The following CDH13 variants were observed in gnomAD, a reference collection of about 807,000 sequenced individuals.
CDH13 encodes the protein cadherin-13.
In CDH13, 24 loss-of-function variants were observed where a neutral mutation model predicts 63.8. That is an observed-to-expected ratio of 0.38 (90% confidence interval 0.27 to 0.53). CDH13 has a LOEUF of 0.53. CDH13 is among the 20% of genes least tolerant of loss of function. The pLI is 0.85. For missense variants in CDH13, 1,049 were observed against 903.1 expected, an observed-to-expected ratio of 1.16 and a Z score of -2.07; for synonymous variants, 503 against 355.3, an observed-to-expected ratio of 1.42 and a Z score of -4.67.
At chr16:82,797,779 G>GTGTGTGTGTGTC (rs2036659344) in intron 1 of CDH13, among the ~76,000 whole-genome samples, 1 of 145,970 alleles carries the variant, frequency 6.9e-6, no homozygotes, top group Non-Finnish European at 1.5e-5. Flanking sequence ...AGGGCCGTGT[G>GTGTGTGTGTGTC]TGTGTGTGTG....
At chr16:83,014,820 A>ATTTATATTTG (rs1914579640) in intron 2 of CDH13, among the ~76,000 whole-genome samples, 1 of 66,242 alleles carries the variant, frequency 1.5e-5, no homozygotes, top group East Asian at 5.4e-4. Flanking sequence ...ATATTTGTAT[A>ATTTATATTTG]TATATATTTG....
chr16:83,398,422 C>T (rs908906759), intron 6 of CDH13, among the ~76,000 whole-genome samples: 7 of 152,128 alleles, frequency 4.6e-5, no homozygotes, highest in African/African-American at 1.4e-4. Context: ...TCTCAAATGT[C>T]CCTCTGCCTT....
At chr16:83,283,282 A>C (rs2089227999) in intron 5 of CDH13, among the ~76,000 whole-genome samples, 1 of 152,172 alleles carries the variant, frequency 6.6e-6, no homozygotes, top group Non-Finnish European at 1.5e-5. Flanking sequence ...TGTGGGACCC[A>C]ATGTATTTTA....
chr16:83,474,181 C>G (rs1347522418), intron 6 of CDH13, among the ~76,000 whole-genome samples: 1 of 152,180 alleles, frequency 6.6e-6, no homozygotes, highest in Non-Finnish European at 1.5e-5. Flanking sequence ...GCACAGTCCA[C>G]ACATGTATCT....
intron 5 of CDH13, among the ~76,000 whole-genome samples, chr16:83,323,508 T>C (rs557091905): frequency 5.3e-5 from 8 of 152,078 alleles, no homozygotes; most frequent in African/African-American, 1.9e-4. Flanking sequence ...CTCAAACGCC[T>C]GACTTCAGGC....
At chr16:83,649,372 T>A (rs1598412637) in intron 8 of CDH13, among the ~76,000 whole-genome samples, 2 of 152,360 alleles carry the variant, frequency 1.3e-5, no homozygotes, top group East Asian at 3.9e-4. Flanking sequence ...TTTTTCAATA[T>A]ATTTAATACA....
At chr16:82,813,820 G>C (rs2037567994) in intron 1 of CDH13, among the ~76,000 whole-genome samples, 1 of 152,222 alleles carries the variant, frequency 6.6e-6, no homozygotes, top group South Asian at 2.1e-4. Context: ...GATAGATTTT[G>C]AAGTTCAATC....
intron 5 of CDH13, among the ~76,000 whole-genome samples, chr16:83,318,105 A>G (rs776154892): frequency 2.0e-5 from 3 of 152,204 alleles, no homozygotes; most frequent in Non-Finnish European, 4.4e-5. Context: ...AACTAGAAAG[A>G]TTGAAAAGAT....
At chr16:83,558,578 C>G (rs1303634728) in intron 7 of CDH13, among the ~76,000 whole-genome samples, 3 of 152,132 alleles carry the variant, frequency 2.0e-5, no homozygotes, top group East Asian at 1.9e-4. Flanking sequence ...AAATCTACAT[C>G]TAGTCAGAGA....
intron 6 of CDH13, among the ~76,000 whole-genome samples, chr16:83,387,049 A>G (rs2091688333): frequency 6.6e-6 from 1 of 152,184 alleles, no homozygotes; most frequent in Admixed American, 6.5e-5. Context: ...GGAAGTTTGG[A>G]AAATTAAATA....
intron 1 of CDH13, among the ~76,000 whole-genome samples, chr16:82,856,142 C>T (rs952559570): frequency 5.3e-5 from 8 of 151,816 alleles, no homozygotes; most frequent in Admixed American, 2.0e-4. Flanking sequence ...TTTGGGAGGC[C>T]GAGGTGGGTG....
chr16:83,525,355 T>G (rs1464713654), intron 7 of CDH13, among the ~76,000 whole-genome samples: 2 of 152,356 alleles, frequency 1.3e-5, no homozygotes, highest in East Asian at 3.9e-4. Flanking sequence ...AAAATAAGCT[T>G]TAGTACAAAG....
chr16:83,788,435 C>T (rs192202146), intron 13 of CDH13, among the ~76,000 whole-genome samples: 1 of 151,286 alleles, frequency 6.6e-6, no homozygotes, highest in Admixed American at 6.6e-5. Flanking sequence ...TACCAACACT[C>T]CCCATATATT....
chr16:83,531,896 C>T (rs543957405), intron 7 of CDH13, among the ~76,000 whole-genome samples: 1 of 152,232 alleles, frequency 6.6e-6, no homozygotes, highest in South Asian at 2.1e-4. Flanking sequence ...AGGGCAGTCA[C>T]AAGAAGCTCT....
chr16:83,226,169 C>T (rs947415341), intron 5 of CDH13, among the ~76,000 whole-genome samples: 5 of 152,120 alleles, frequency 3.3e-5, no homozygotes, highest in East Asian at 1.9e-4. Flanking sequence ...TTTTCCAGTT[C>T]GTCTCTTCGT....
chr16:83,681,143 C>T (rs1005919468), intron 10 of CDH13, among the ~76,000 whole-genome samples: 2 of 152,028 alleles, frequency 1.3e-5, no homozygotes, highest in Non-Finnish European at 2.9e-5. Flanking sequence ...GAGCCTGCCA[C>T]AGACCCCAGC....
chr16:82,658,409 C>G (rs1382781860), intron 1 of CDH13, among the ~76,000 whole-genome samples: 1 of 152,184 alleles, frequency 6.6e-6, no homozygotes, highest in Non-Finnish European at 1.5e-5. Context: ...CTTAAATGTT[C>G]AACAAGCCTT....
chr16:82,979,451 G>T (rs1006630322), intron 2 of CDH13, among the ~76,000 whole-genome samples: 3 of 152,106 alleles, frequency 2.0e-5, no homozygotes, highest in East Asian at 3.9e-4. Context: ...GGAGGGACGT[G>T]GGGGGAGACG....
At chr16:82,989,482 G>C (rs967273332) in intron 2 of CDH13, among the ~76,000 whole-genome samples, 5 of 152,212 alleles carry the variant, frequency 3.3e-5, no homozygotes, top group African/African-American at 7.2e-5. Flanking sequence ...TTCTGGGTAA[G>C]GCAGTGGCAA....
Sources: gnomAD v4.1 joint callset for allele counts (sites outside exome capture counted in the v4.1 genomes callset) on GRCh38, gnomAD v4.1.1 for gene constraint, MANE v1.5 for transcripts, NCBI Gene and HGNC (gene_info 2026-07-23, HGNC 2026-07-21) for gene names.